Variants in PIP4K2A observed in about 807,000 individuals in gnomAD.
PIP4K2A encodes the protein phosphatidylinositol-5-phosphate 4-kinase type 2 alpha, also known as phosphatidylinositol 5-phosphate 4-kinase type-2 alpha.
PIP4K2A carries 14 observed loss-of-function variants against 42.9 expected under a neutral mutation model. The ratio of observed to expected loss-of-function variants is 0.33; its 90% CI spans 0.22 to 0.51. The LOEUF is 0.51. PIP4K2A is among the 20% of genes least tolerant of loss of function. The pLI is 0.97. For missense variants in PIP4K2A, 434 were observed against 519.8 expected (o/e 0.83, Z 1.61); for synonymous variants, 192 against 192.2 (o/e 1.00, Z 0.01).
chr10:22,672,639 A>G (rs1212293531), intron 1 of PIP4K2A, among the ~76,000 whole-genome samples: 3 of 152,190 alleles, frequency 2.0e-5, no homozygotes, highest in African/African-American at 7.2e-5. Context: ...CGTCCAGAGG[A>G]GATGGATGCA....
chr10:22,688,492 G>A (rs910185175), intron 1 of PIP4K2A, among the ~76,000 whole-genome samples: 12 of 152,080 alleles, frequency 7.9e-5, no homozygotes, highest in African/African-American at 4.8e-5. Flanking sequence ...TTCCTCTGTC[G>A]CCCAGGCTGG....
chr10:22,674,441 A>G (rs986908041), intron 1 of PIP4K2A, among the ~76,000 whole-genome samples: 1 of 151,054 alleles, frequency 6.6e-6, no homozygotes, highest in African/African-American at 2.4e-5. Context: ...AAAAAAAAGA[A>G]GACCAGACCA....
chr10:22,688,347 G>C (rs1564468099), intron 1 of PIP4K2A, among the ~76,000 whole-genome samples: 3 of 152,196 alleles, frequency 2.0e-5, no homozygotes. Context: ...CACATTCTCA[G>C]GTGTCTGGCA....
Position 22,714,258 on chromosome 10 carries a change from G to A in PIP4K2A, c.69C>T (p.Phe23=), listed in dbSNP as rs748177306. 2.5e-6 allele frequency: 4 copies of A among 1,612,788 alleles called. No individual in the cohort carries two copies. The highest frequency in any genetic ancestry group is 2.2e-5 in the East Asian group (1 of 44,704). The change falls in exon 1 of 10, where the codon TTC becomes TTT. Residue 23 remains phenylalanine (F), a synonymous_variant. Coordinates refer to ENST00000376573, the MANE Select transcript of PIP4K2A (RefSeq NM_005028.5). ...GAAACAGCTTCACTTTCTGCGCTACGAAGTGCTTCTTCTTGGTCTTGGTCT... is the reference window on the plus strand; with the variant it reads ...GAAACAGCTTCACTTTCTGCGCTACAAAGTGCTTCTTCTTGGTCTTGGTCT... ...ASKTKTKKKH[F]VAQKVKLFRA... is the part of the protein sequence containing the mutation.
rs76310149 is a variant in PIP4K2A at position 22,559,561 on chromosome 10, C to T, written c.678+8290G>A. Among the ~76,000 whole-genome samples the T allele has an allele frequency of 4.9e-4, 74 of 152,278 alleles. No individual in the cohort carries two copies. In the East Asian group the frequency reaches 9.6e-3, roughly 20 times the overall value. ...TGTCACGTGCCATGCTTACCAGTTA[C>T]GAGATATTCTAAATGAAGCTTTAAA... is the stretch of plus-strand genomic sequence containing the variant. On this transcript the variant is annotated intron_variant, in intron 6 of 9. Transcript: ENST00000376573.
At position 22,548,219 on chromosome 10, in the gene PIP4K2A, T is replaced by C. The variant is rs554073626; in HGVS notation, c.792+2440A>G. On this transcript the variant is annotated intron_variant, in intron 7 of 9. Coordinates refer to ENST00000376573, the MANE Select transcript of PIP4K2A (RefSeq NM_005028.5). Reference sequence around the variant, plus strand: ...AAACTAAAGACACTGTTATCAGCTATTGAGAATATTTTTAAATGAAAGGAT... The same window carrying C: ...AAACTAAAGACACTGTTATCAGCTACTGAGAATATTTTTAAATGAAAGGAT... Among the ~76,000 whole-genome samples, 19 of 152,334 alleles carry C rather than the reference T, an allele frequency of 1.2e-4. 1 individual carries two copies. The highest frequency in any genetic ancestry group is 4.6e-4 in the African/African-American group (19 of 41,570).
intron 4 of PIP4K2A, among the ~76,000 whole-genome samples, chr10:22,585,832 G>C (rs1437325841): frequency 6.6e-6 from 1 of 152,126 alleles, no homozygotes; most frequent in Non-Finnish European, 1.5e-5. Flanking sequence ...CTGGCCTCAA[G>C]TGATCCGTCC....
At chr10:22,673,615 C>T (rs956994303) in intron 1 of PIP4K2A, among the ~76,000 whole-genome samples, 2 of 151,994 alleles carry the variant, frequency 1.3e-5, no homozygotes, top group African/African-American at 4.8e-5. Context: ...TGCAGCCCCT[C>T]AACACCAGGC....
At chr10:22,614,330 C>G (rs1394332784) in intron 1 of PIP4K2A, among the ~76,000 whole-genome samples, 1 of 152,218 alleles carries the variant, frequency 6.6e-6, no homozygotes, top group African/African-American at 2.4e-5. Context: ...AGTCTAACCT[C>G]TCATTTTGCA....
chr10:22,683,273 A>G (rs1211343502), intron 1 of PIP4K2A, among the ~76,000 whole-genome samples: 1 of 152,140 alleles, frequency 6.6e-6, no homozygotes, highest in Non-Finnish European at 1.5e-5. Flanking sequence ...CAAGGCTTTA[A>G]CAGTATTTGC....
intron 6 of PIP4K2A, among the ~76,000 whole-genome samples, chr10:22,555,975 A>C (rs1836532496): frequency 6.6e-6 from 1 of 152,072 alleles, no homozygotes; most frequent in African/African-American, 2.4e-5. Flanking sequence ...CCACATTCAA[A>C]GCCGTCCTGG....
chr10:22,690,531 G>A (rs1474589694), intron 1 of PIP4K2A, among the ~76,000 whole-genome samples: 1 of 152,124 alleles, frequency 6.6e-6, no homozygotes, highest in East Asian at 1.9e-4. Context: ...TCCTCTTGTG[G>A]AAGAGAGTAA....
At chr10:22,703,591 G>A (rs1172557502) in intron 1 of PIP4K2A, among the ~76,000 whole-genome samples, 1 of 152,192 alleles carries the variant, frequency 6.6e-6, no homozygotes, top group African/African-American at 2.4e-5. Flanking sequence ...TGGGGCCCAG[G>A]CCAGTAAGAT....
At chr10:22,596,978 T>C (rs775647979) in intron 3 of PIP4K2A, among the ~76,000 whole-genome samples, 1 of 152,250 alleles carries the variant, frequency 6.6e-6, no homozygotes, top group African/African-American at 2.4e-5. Context: ...AATGCCAATT[T>C]AGAGTGTGAG....
chr10:22,607,323 C>T (rs1298716444), intron 3 of PIP4K2A, among the ~76,000 whole-genome samples: 1 of 152,120 alleles, frequency 6.6e-6, no homozygotes, highest in African/African-American at 2.4e-5. Context: ...AGGAGAGCAG[C>T]AGTGCACATT....
chr10:22,643,437 A>T (rs1306571392), intron 1 of PIP4K2A, among the ~76,000 whole-genome samples: 1 of 152,150 alleles, frequency 6.6e-6, no homozygotes, highest in Non-Finnish European at 1.5e-5. Context: ...GCTCACCCTT[A>T]GATCTGTCTT....
intron 2 of PIP4K2A, 150 bp from the exon 3 acceptor site, chr10:22,608,173 G>C: frequency 3.7e-6 from 2 of 543,770 alleles, no homozygotes; most frequent in Non-Finnish European, 6.6e-6. Context: ...GGTACAACCC[G>C]CAGAAAGATC....
At chr10:22,649,608 G>C (rs1417154483) in intron 1 of PIP4K2A, among the ~76,000 whole-genome samples, 2 of 152,180 alleles carry the variant, frequency 1.3e-5, no homozygotes, top group Non-Finnish European at 2.9e-5. Flanking sequence ...GAAGAAGTCT[G>C]AAAGCATTAG....
chr10:22,644,668 C>T (rs1778340), intron 1 of PIP4K2A, among the ~76,000 whole-genome samples: 37,718 of 152,104 alleles, frequency 0.25, 5,056 homozygotes, highest in Non-Finnish European at 0.3. Context: ...AGCACCTGAC[C>T]TGACAACTTA....
Sources: gnomAD v4.1 joint callset for allele counts (sites outside exome capture counted in the v4.1 genomes callset) on GRCh38, gnomAD v4.1.1 for gene constraint, MANE v1.5 for transcripts, NCBI Gene and HGNC (gene_info 2026-07-23, HGNC 2026-07-21) for gene names.